PCDHGA6: variants seen among roughly 807,000 people sequenced by gnomAD.
PCDHGA6 encodes the protein protocadherin gamma subfamily A, 6.
A neutral mutation model predicts 60.6 loss-of-function variants in PCDHGA6; 41 were observed. That is an observed-to-expected ratio of 0.68 (90% CI 0.53 to 0.88). The LOEUF (loss-of-function observed/expected upper bound fraction) is 0.88. Ranked by LOEUF, PCDHGA6 falls within the 40% of genes least tolerant of loss-of-function variation. PCDHGA6 has a pLI of 0.00. For synonymous variants in PCDHGA6, 594 were observed against 524.4 expected, an observed-to-expected ratio of 1.13 and a Z score of -1.81; for missense variants, 1,312 against 1,203.0, an observed-to-expected ratio of 1.09 and a Z score of -1.34.
chr5:141,450,823 A>ATT (rs1453980247), intron 1 of PCDHGA6, among the ~76,000 whole-genome samples: 2 of 133,076 alleles, frequency 1.5e-5, no homozygotes, highest in East Asian at 2.2e-4. Flanking sequence ...TAATATTATT[A>ATT]TTATTATTTT....
chr5:141,470,748 A>C (rs1163686396), intron 1 of PCDHGA6, among the ~76,000 whole-genome samples: 1 of 152,106 alleles, frequency 6.6e-6, no homozygotes. Flanking sequence ...CCCTGGCTGG[A>C]GTGCAGTGGA....
At chr5:141,478,576 G>A (rs543160289) in intron 1 of PCDHGA6, 1 of 1,585,480 alleles carries the variant, frequency 6.3e-7, no homozygotes, top group Non-Finnish European at 8.6e-7. Flanking sequence ...GCTTGACCCT[G>A]TTAGTGCTTT....
intron 1 of PCDHGA6, chr5:141,413,731 G>A (rs1008251304): frequency 6.2e-7 from 1 of 1,613,454 alleles, no homozygotes; most frequent in South Asian, 1.1e-5. Context: ...CTCCCTAAGA[G>A]TTCAGAGCCG....
At chr5:141,416,245 C>T (rs1029299377) in intron 1 of PCDHGA6, 1 of 152,234 alleles carries the variant, frequency 6.6e-6, no homozygotes, top group Non-Finnish European at 1.5e-5. Flanking sequence ...CTATTTATAA[C>T]TGATAACACT....
intron 1 of PCDHGA6, chr5:141,409,044 T>G (rs2095215005): frequency 6.2e-7 from 1 of 1,613,762 alleles, no homozygotes; most frequent in African/African-American, 1.3e-5. Context: ...AACTACTACT[T>G]CCGAAGCACT....
intron 2 of PCDHGA6, among the ~76,000 whole-genome samples, chr5:141,503,010 A>ATT (rs199924715): frequency 4.8e-5 from 7 of 146,772 alleles, no homozygotes; most frequent in East Asian, 2.0e-4. Context: ...TGCCCGGTTA[A>ATT]TTTTTTTTTT....
chr5:141,476,083 T>C lies in PCDHGA6; in HGVS notation c.2425-18724T>C. 1 of 1,547,886 alleles carries C rather than the reference T, an allele frequency of 6.5e-7. No homozygotes were observed. The highest frequency in any genetic ancestry group is 8.7e-7 in the Non-Finnish European group (1 of 1,153,242). The stretch of plus-strand genomic sequence containing the variant: ...TCTCAGCGAAATCTCAGGGACGATC[T>C]GGACCCCGCTGAGAGGAACTGCTTT... On this transcript the variant is annotated intron_variant, in intron 1 of 3. Coordinates refer to ENST00000517434, the MANE Select transcript of PCDHGA6 (RefSeq NM_018919.3). This position sits in a 1 kb window ranked among gnomAD's most constrained non-coding sequence, Gnocchi z 7.6.
chr5:141,423,630 T>C, intron 1 of PCDHGA6: 1 of 1,603,994 alleles, frequency 6.2e-7, no homozygotes, highest in Non-Finnish European at 8.5e-7. Flanking sequence ...CAGCTATCAT[T>C]TTAGGCAAAT....
At chr5:141,383,797 G>C in intron 1 of PCDHGA6, 1 of 1,613,964 alleles carries the variant, frequency 6.2e-7, no homozygotes, top group Non-Finnish European at 8.5e-7. Context: ...GCTTACAGGA[G>C]AAATATCAAC....
rs531855306 is a variant in PCDHGA6 at position 141,422,110 on chromosome 5, T to C, written c.2424+45603T>C. 230 of 1,606,626 alleles carry C rather than the reference T, an allele frequency of 1.4e-4. 6 individuals carry two copies. The South Asian group carries it at 2.5e-3, about 17-fold the overall frequency. On this transcript the variant is annotated intron_variant, in intron 1 of 3. Coordinates refer to ENST00000517434, the MANE Select transcript of PCDHGA6 (RefSeq NM_018919.3). The stretch of plus-strand genomic sequence containing the variant: ...AAGCAAGGCTTCTGAAATATTCCAA[T>C]TGGATTCACAAACTGGAGAAGTTCA...
At chr5:141,401,599 G>A (rs368569328) in intron 1 of PCDHGA6, among the ~76,000 whole-genome samples, 22 of 152,278 alleles carry the variant, frequency 1.4e-4, no homozygotes, top group African/African-American at 4.8e-4. Context: ...CTTGAAGAAG[G>A]GGAAAAAGAC....
intron 1 of PCDHGA6, chr5:141,423,184 C>T (rs747938944): frequency 9.3e-6 from 15 of 1,613,442 alleles, no homozygotes; most frequent in Non-Finnish European, 1.2e-5. Context: ...CCACGGCCAG[C>T]CCCCTCTCTC....
chr5:141,380,445 T>C (rs1249653673), intron 1 of PCDHGA6, among the ~76,000 whole-genome samples: 1 of 152,242 alleles, frequency 6.6e-6, no homozygotes, highest in African/African-American at 2.4e-5. Flanking sequence ...AGAATTCTTT[T>C]TAATGCAACC....
At chr5:141,407,985 A>C in intron 1 of PCDHGA6, 6 of 789,616 alleles carry the variant, frequency 7.6e-6, no homozygotes, top group Non-Finnish European at 1.1e-5. Flanking sequence ...GGGATCCGTC[A>C]GCCTCTGGCC....
At chr5:141,488,978 C>T (rs1346335195) in intron 1 of PCDHGA6, 4 of 388,976 alleles carry the variant, frequency 1.0e-5, no homozygotes, top group African/African-American at 2.1e-5. Flanking sequence ...GCCAATCAGA[C>T]TCAGAGCTGA....
chr5:141,421,243 C>A (rs201273667), intron 1 of PCDHGA6: 1 of 1,601,658 alleles, frequency 6.2e-7, no homozygotes. Flanking sequence ...GAATCGGCTA[C>A]AGCGCGGGGA....
rs762612048 is a variant in PCDHGA6 at position 141,388,612 on chromosome 5, G to A, written c.2424+12105G>A. The A allele has an allele frequency of 2.5e-5, 40 of 1,613,954 alleles. No homozygotes were observed. The East Asian group carries it at 5.3e-4, about 22-fold the overall frequency. ...GCCAATGATAATGCTCCAGTGTTCAGTCAAGACGTATACAGGGTGAGCCTT... is the reference window on the plus strand; with the variant it reads ...GCCAATGATAATGCTCCAGTGTTCAATCAAGACGTATACAGGGTGAGCCTT... On this transcript the variant is annotated intron_variant, in intron 1 of 3. Coordinates refer to ENST00000517434, the MANE Select transcript of PCDHGA6 (RefSeq NM_018919.3).
At chr5:141,393,129 A>G in intron 1 of PCDHGA6, 2 of 1,613,426 alleles carry the variant, frequency 1.2e-6, no homozygotes, top group Non-Finnish European at 1.7e-6. Context: ...TCTGATAAAT[A>G]TTAACACCCT....
At chr5:141,413,070 T>G (rs990993849) in intron 1 of PCDHGA6, 1 of 1,195,014 alleles carries the variant, frequency 8.4e-7, no homozygotes, top group African/African-American at 1.5e-5. Context: ...GAATTTAAAG[T>G]GCCCAGGCTA....
Sources: gnomAD v4.1 joint callset for allele counts (sites outside exome capture counted in the v4.1 genomes callset) on GRCh38, gnomAD v4.1.1 for gene constraint, Gnocchi (gnomAD v3.1) non-coding constraint, MANE v1.5 for transcripts, NCBI Gene and HGNC (gene_info 2026-07-23, HGNC 2026-07-21) for gene names.